The following PDZRN4 variants were observed in gnomAD, a reference collection of about 807,000 sequenced individuals.
PDZRN4 encodes PDZ domain containing ring finger 4.
Under a neutral mutation model 99.0 loss-of-function variants are expected in PDZRN4, and 70 were observed. The observed-to-expected ratio is 0.71, with a 90% CI of 0.58 to 0.86. PDZRN4 has a LOEUF of 0.86. Among genes scored for constraint, PDZRN4 ranks in the 40% least tolerant of loss-of-function variants. PDZRN4 has a pLI of 0.00. For missense variants in PDZRN4, 1,474 were observed against 1,331.2 expected (o/e 1.11, Z -1.67); for synonymous variants, 551 against 501.6 (o/e 1.10, Z -1.32).
rs11180972 is a variant in PDZRN4, at chr12:41,511,353, A to T, written c.1203+1440A>T. 9.7e-3 allele frequency among the ~76,000 whole-genome samples: 1,480 copies of T among 151,876 alleles called. 59 individuals are homozygous for T. The East Asian group carries it at 0.14, about 14-fold the overall frequency. ...TGGAGCTTACTGTAACTGAACCACA[A>T]CCTCTTTTTTGACCAATATTAATCC... is the stretch of plus-strand genomic sequence containing the variant. On this transcript the variant is annotated intron_variant, in intron 5 of 9. Coordinates refer to ENST00000402685, the MANE Select transcript of PDZRN4 (RefSeq NM_001164595.2).
rs116069629 is a variant in PDZRN4 at position 41,310,851 on chromosome 12, A to G, written c.843+116663A>G. Among the ~76,000 whole-genome samples, 506 of 152,272 alleles carry G rather than the reference A, an allele frequency of 3.3e-3. 7 individuals carry two copies. The highest frequency in any genetic ancestry group is 0.012 in the African/African-American group (487 of 41,556). On this transcript the variant is annotated intron_variant, in intron 3 of 9. Transcript: ENST00000402685. ...TACATTTAGGGCAAGTGGTTCTAACATACATAAAAGGGTTTTTTGTATGTT... is the reference window on the plus strand; with the variant it reads ...TACATTTAGGGCAAGTGGTTCTAACGTACATAAAAGGGTTTTTTGTATGTT...
chr12:41,264,114 T>C (rs917632564), intron 3 of PDZRN4, among the ~76,000 whole-genome samples: 8 of 152,198 alleles, frequency 5.3e-5, no homozygotes, highest in Admixed American at 3.9e-4. Context: ...AATTCTATCA[T>C]TTAGCTGCCA....
At chr12:41,482,846 T>A (rs146858538) in intron 3 of PDZRN4, among the ~76,000 whole-genome samples, 91 of 152,164 alleles carry the variant, frequency 6.0e-4, no homozygotes, top group South Asian at 8.3e-4. Context: ...GTATTGGCCT[T>A]CTGATGAGTG....
intron 3 of PDZRN4, among the ~76,000 whole-genome samples, chr12:41,489,610 TTTA>T (rs1937844747): frequency 6.6e-6 from 1 of 152,072 alleles, no homozygotes; most frequent in African/African-American, 2.4e-5. Context: ...CTAAACAAAA[TTTA>T]TTATTTTATT....
At chr12:41,234,745 T>C (rs941946549) in intron 3 of PDZRN4, among the ~76,000 whole-genome samples, 4 of 152,128 alleles carry the variant, frequency 2.6e-5, no homozygotes, top group Admixed American at 6.6e-5. Context: ...CCTTTAAAAG[T>C]TGGTTGGATG....
At chr12:41,363,284 T>C (rs1211318493) in intron 3 of PDZRN4, among the ~76,000 whole-genome samples, 3 of 152,102 alleles carry the variant, frequency 2.0e-5, no homozygotes, top group Non-Finnish European at 4.4e-5. Flanking sequence ...GCTGGCTGAA[T>C]CCTTAAAATG....
chr12:41,189,088 T>G lies in PDZRN4; in HGVS notation c.633T>G (p.Gly211=). The change falls in exon 1 of 10, where the codon GGT becomes GGG. Residue 211 remains glycine (G), a synonymous_variant. Transcript: ENST00000402685. ...TCCGCAACTTCGTCGGCGACCTCGGTGGCGGCCACCGCAGGGTAAGCAAAG... is the reference window on the plus strand; with the variant it reads ...TCCGCAACTTCGTCGGCGACCTCGGGGGCGGCCACCGCAGGGTAAGCAAAG... ...AHVRNFVGDL[G]GGHRRDGEHK... 1 of 1,581,292 alleles carries G rather than the reference T, an allele frequency of 6.3e-7. No individual in the cohort carries two copies. The highest frequency in any genetic ancestry group is 8.5e-7 in the Non-Finnish European group (1 of 1,172,094).
At chr12:41,262,001 G>T (rs943459132) in intron 3 of PDZRN4, among the ~76,000 whole-genome samples, 2 of 152,094 alleles carry the variant, frequency 1.3e-5, no homozygotes, top group South Asian at 4.1e-4. Context: ...CTGAAGATGG[G>T]CTCACTGGCT....
chr12:41,500,735 G>GC (rs1938094538), intron 3 of PDZRN4, among the ~76,000 whole-genome samples: 1 of 151,712 alleles, frequency 6.6e-6, no homozygotes, highest in Admixed American at 6.6e-5. Flanking sequence ...TCATACCAAA[G>GC]TTTAGGGAAA....
At chr12:41,488,748 T>G (rs1313406468) in intron 3 of PDZRN4, among the ~76,000 whole-genome samples, 3 of 152,202 alleles carry the variant, frequency 2.0e-5, no homozygotes, top group Non-Finnish European at 4.4e-5. Flanking sequence ...TCCAAGTCAA[T>G]TTTTTCCTTT....
chr12:41,300,861 A>G (rs923089242), intron 3 of PDZRN4, among the ~76,000 whole-genome samples: 1 of 148,008 alleles, frequency 6.8e-6, no homozygotes, highest in East Asian at 1.9e-4. Flanking sequence ...ATGTCTTTCT[A>G]GACCCAGAAC....
chr12:41,332,193 C>T (rs372501583), intron 3 of PDZRN4, among the ~76,000 whole-genome samples: 74 of 152,142 alleles, frequency 4.9e-4, no homozygotes, highest in Non-Finnish European at 8.5e-4. Context: ...AGCATTAAGA[C>T]GGCAGATGGT....
chr12:41,306,394 C>T (rs1951569684), intron 3 of PDZRN4, among the ~76,000 whole-genome samples: 1 of 152,190 alleles, frequency 6.6e-6, no homozygotes, highest in African/African-American at 2.4e-5. Flanking sequence ...AAAAATAGTA[C>T]AAATTTGTAG....
chr12:41,387,928 A>G (rs1274894162), intron 3 of PDZRN4, among the ~76,000 whole-genome samples: 1 of 152,234 alleles, frequency 6.6e-6, no homozygotes, highest in Admixed American at 6.5e-5. Flanking sequence ...ATTACTGGAT[A>G]TATTCCCAAA....
intron 3 of PDZRN4, among the ~76,000 whole-genome samples, chr12:41,390,338 C>T (rs764554658): frequency 9.2e-5 from 14 of 151,996 alleles, no homozygotes; most frequent in African/African-American, 3.4e-4. Flanking sequence ...GAGATATTTG[C>T]GTTAATGTTT....
intron 5 of PDZRN4, among the ~76,000 whole-genome samples, chr12:41,546,651 G>A (rs1938958123): frequency 6.6e-6 from 1 of 151,698 alleles, no homozygotes; most frequent in African/African-American, 2.4e-5. Context: ...TATTTTAAAA[G>A]CCAAAAAAAA....
At chr12:41,248,889 G>C (rs1437416399) in intron 3 of PDZRN4, among the ~76,000 whole-genome samples, 5 of 152,084 alleles carry the variant, frequency 3.3e-5, no homozygotes, top group Non-Finnish European at 7.4e-5. Context: ...AATGTCATTA[G>C]TAATTACAAC....
intron 4 of PDZRN4, among the ~76,000 whole-genome samples, chr12:41,508,443 A>G (rs1274497946): frequency 6.6e-6 from 1 of 152,174 alleles, no homozygotes; most frequent in African/African-American, 2.4e-5. Context: ...ATAGGGCAGA[A>G]TTGGATTTTG....
At position 41,271,234 on chromosome 12, in the gene PDZRN4, T is replaced by C. The variant is rs539821631; in HGVS notation, c.843+77046T>C. Among the ~76,000 whole-genome samples the C allele has an allele frequency of 8.7e-3, 853 of 98,328 alleles. 7 individuals carry two copies. Among genetic ancestry groups the C allele is most frequent in the Non-Finnish European group, 0.016 (582 of 37,516 alleles). 64.5% of individuals were successfully genotyped at this position (98,328 alleles called of 152,430 possible). On this transcript the variant is annotated intron_variant, in intron 3 of 9. Coordinates refer to ENST00000402685, the MANE Select transcript of PDZRN4 (RefSeq NM_001164595.2). Reference sequence around the variant, plus strand: ...CACTCCTCCAACACAAAGCACAAAATAGAGACAGGATACATTAAATATCTT... The same window carrying C: ...CACTCCTCCAACACAAAGCACAAAACAGAGACAGGATACATTAAATATCTT...
Sources: allele counts gnomAD v4.1 joint callset (sites outside exome capture counted in the v4.1 genomes callset), GRCh38; gene constraint gnomAD v4.1.1; transcripts MANE v1.5; gene names NCBI Gene and HGNC (gene_info 2026-07-23, HGNC 2026-07-21).